The following CNTNAP2 variants were observed in gnomAD, a reference collection of about 807,000 sequenced individuals.
The protein encoded by CNTNAP2 is contactin associated protein 2.
A neutral mutation model predicts 155.2 loss-of-function variants in CNTNAP2; 98 were observed. The observed-to-expected ratio is 0.63, with a 90% CI of 0.54 to 0.75. The LOEUF (loss-of-function observed/expected upper bound fraction) is 0.75. Ranked by LOEUF, CNTNAP2 falls within the 30% of genes least tolerant of loss-of-function variation. The pLI is 0.00. For missense variants in CNTNAP2, 1,727 were observed against 1,688.1 expected (o/e 1.02, Z -0.40); for synonymous variants, 651 against 631.2 (o/e 1.03, Z -0.47).
chr7:147,621,988 C>G (rs975507670), intron 12 of CNTNAP2, among the ~76,000 whole-genome samples: 2 of 151,824 alleles, frequency 1.3e-5, no homozygotes, highest in African/African-American at 4.8e-5. Context: ...AGTAGCTACA[C>G]TTATAACAGA....
chr7:148,399,299 C>T lies in CNTNAP2; in HGVS notation c.3716-10092C>T, dbSNP rs115489709. On this transcript the variant is annotated intron_variant, in intron 22 of 23. Coordinates refer to ENST00000361727, the MANE Select transcript of CNTNAP2 (RefSeq NM_014141.6). Reference sequence around the variant, plus strand: ...AATCCATAAACTTCAAAAAAATCCACGGTACAGTATTTTTAAAAATACGTC... The same window carrying T: ...AATCCATAAACTTCAAAAAAATCCATGGTACAGTATTTTTAAAAATACGTC... 5.3e-3 allele frequency among the ~76,000 whole-genome samples: 804 copies of T among 152,150 alleles called. 7 individuals carry two copies. The highest frequency in any genetic ancestry group is 0.018 in the African/African-American group (737 of 41,428).
chr7:147,897,703 C>A (rs951937185), intron 13 of CNTNAP2, among the ~76,000 whole-genome samples: 2 of 152,164 alleles, frequency 1.3e-5, no homozygotes, highest in Non-Finnish European at 2.9e-5. Context: ...CCTAGTGTAG[C>A]TTTTGGGCCA....
chr7:146,507,188 C>G (rs561517085), intron 1 of CNTNAP2, among the ~76,000 whole-genome samples: 101 of 152,338 alleles, frequency 6.6e-4, no homozygotes, highest in African/African-American at 2.2e-3. Context: ...CTGTCACACT[C>G]TCACAAGCCT....
chr7:147,077,659 G>A (rs1800023477), intron 4 of CNTNAP2, among the ~76,000 whole-genome samples: 1 of 152,088 alleles, frequency 6.6e-6, no homozygotes, highest in Non-Finnish European at 1.5e-5. Flanking sequence ...GAGTACAAAA[G>A]CCAGCCTAGC....
intron 13 of CNTNAP2, among the ~76,000 whole-genome samples, chr7:147,747,997 C>T (rs1334611009): frequency 6.6e-6 from 1 of 152,244 alleles, no homozygotes; most frequent in African/African-American, 2.4e-5. Flanking sequence ...GAGGCGTCAG[C>T]AGTCAATCAC....
intron 13 of CNTNAP2, among the ~76,000 whole-genome samples, chr7:147,792,538 C>T (rs1231584922): frequency 6.6e-6 from 1 of 151,882 alleles, no homozygotes; most frequent in African/African-American, 2.4e-5. Context: ...CTTAGTACTT[C>T]ATTCCTTTTA....
chr7:146,206,115 C>A (rs1323750091), intron 1 of CNTNAP2, among the ~76,000 whole-genome samples: 4 of 151,932 alleles, frequency 2.6e-5, no homozygotes, highest in Non-Finnish European at 5.9e-5. Flanking sequence ...ACCCAGATGA[C>A]AAAAATTATA....
chr7:146,917,941 T>TA (rs1272590643), intron 3 of CNTNAP2, among the ~76,000 whole-genome samples: 1 of 152,228 alleles, frequency 6.6e-6, no homozygotes, highest in Non-Finnish European at 1.5e-5. Context: ...AATGAACTAA[T>TA]ACGTCTTTTT....
At chr7:146,539,839 A>C (rs1470639713) in intron 1 of CNTNAP2, among the ~76,000 whole-genome samples, 11 of 152,160 alleles carry the variant, frequency 7.2e-5, no homozygotes, top group Non-Finnish European at 1.0e-4. Context: ...ATGAAAGTCA[A>C]GAAATGTTTG....
At chr7:147,131,900 T>G (rs1222683157) in intron 7 of CNTNAP2, among the ~76,000 whole-genome samples, 1 of 151,880 alleles carries the variant, frequency 6.6e-6, no homozygotes, top group Non-Finnish European at 1.5e-5. Context: ...GTAGCTTTGC[T>G]GTCTTCAGAA....
At chr7:146,251,556 G>A (rs1001832577) in intron 1 of CNTNAP2, among the ~76,000 whole-genome samples, 4 of 152,180 alleles carry the variant, frequency 2.6e-5, no homozygotes, top group Non-Finnish European at 5.9e-5. Flanking sequence ...TAGCAAAGAA[G>A]TTACGAACTT....
intron 3 of CNTNAP2, among the ~76,000 whole-genome samples, chr7:146,982,026 A>G (rs1310795529): frequency 1.3e-5 from 2 of 152,204 alleles, no homozygotes; most frequent in Admixed American, 1.3e-4. Flanking sequence ...ATTAATTGAC[A>G]CTGGACTTTG....
At chr7:148,114,783 T>G (rs1017451433) in intron 15 of CNTNAP2, among the ~76,000 whole-genome samples, 1 of 152,222 alleles carries the variant, frequency 6.6e-6, no homozygotes, top group Non-Finnish European at 1.5e-5. Flanking sequence ...TGCATTTATA[T>G]AGTGTACATT....
intron 13 of CNTNAP2, among the ~76,000 whole-genome samples, chr7:147,832,534 TTTA>T (rs1247921299): frequency 7.1e-6 from 1 of 141,278 alleles, no homozygotes; most frequent in African/African-American, 2.5e-5. Context: ...TCAATATATT[TTTA>T]TATTTCAATA....
At chr7:147,265,917 C>T (rs1390726) in intron 8 of CNTNAP2, among the ~76,000 whole-genome samples, 34,698 of 152,008 alleles carry the variant, frequency 0.23, 4,287 homozygotes, top group Middle Eastern at 0.31. Flanking sequence ...AGAGGAGGGA[C>T]CTGACTATTG....
At chr7:147,193,984 A>T (rs972791324) in intron 8 of CNTNAP2, among the ~76,000 whole-genome samples, 1 of 150,538 alleles carries the variant, frequency 6.6e-6, no homozygotes, top group Non-Finnish European at 1.5e-5. Context: ...AAGTGGGGGG[A>T]GATACATGTG....
intron 1 of CNTNAP2, among the ~76,000 whole-genome samples, chr7:146,459,758 G>A (rs1354742925): frequency 6.6e-6 from 1 of 152,084 alleles, no homozygotes; most frequent in African/African-American, 2.4e-5. Context: ...ATTGCTTGAG[G>A]TCAGGAGTTC....
At chr7:147,042,280 G>A (rs1445205863) in intron 3 of CNTNAP2, among the ~76,000 whole-genome samples, 1 of 152,172 alleles carries the variant, frequency 6.6e-6, no homozygotes, top group Non-Finnish European at 1.5e-5. Flanking sequence ...TTTAAAACAT[G>A]TAATTGTCCA....
intron 14 of CNTNAP2, among the ~76,000 whole-genome samples, chr7:147,911,760 C>T (rs1800070413): frequency 6.6e-6 from 1 of 152,080 alleles, no homozygotes; most frequent in African/African-American, 2.4e-5. Context: ...TAAGTTTTGC[C>T]TATTTTGTAG....
Sources: allele counts gnomAD v4.1 joint callset (sites outside exome capture counted in the v4.1 genomes callset), GRCh38; gene constraint gnomAD v4.1.1; transcripts MANE v1.5; gene names NCBI Gene and HGNC (gene_info 2026-07-23, HGNC 2026-07-21).